Variants in ASTN2 observed in about 807,000 individuals in gnomAD.
ASTN2 encodes the protein astrotactin 2.
ASTN2 carries 54 observed loss-of-function variants against 139.8 expected under a neutral mutation model. The observed-to-expected ratio is 0.39, with a 90% CI of 0.31 to 0.48. The LOEUF (loss-of-function observed/expected upper bound fraction) is 0.48, where lower values mean the gene tolerates loss of function less well. Ranked by LOEUF, ASTN2 falls within the 20% of genes least tolerant of loss-of-function variation. The probability of loss-of-function intolerance (pLI) is 0.95; values close to 1 mark genes in which losing one functional copy is unlikely to be tolerated. For synonymous variants in ASTN2, 756 were observed against 719.5 expected (o/e 1.05, Z -0.81); for missense variants, 1,565 against 1,725.1 (o/e 0.91, Z 1.64).
chr9:117,053,406 C>T (rs1033549327), intron 5 of ASTN2, among the ~76,000 whole-genome samples: 2 of 152,016 alleles, frequency 1.3e-5, no homozygotes, highest in Non-Finnish European at 2.9e-5. Context: ...ACGCTATGAT[C>T]GTGCCACTGT....
At chr9:116,518,956 C>T (rs762781940) in intron 19 of ASTN2, among the ~76,000 whole-genome samples, 13 of 151,968 alleles carry the variant, frequency 8.6e-5, no homozygotes, top group Non-Finnish European at 1.8e-4. Flanking sequence ...GAAAATATCA[C>T]ACTTATAAAT....
chr9:116,973,393 A>C (rs1287822514), intron 10 of ASTN2, among the ~76,000 whole-genome samples: 1 of 152,192 alleles, frequency 6.6e-6, no homozygotes, highest in Non-Finnish European at 1.5e-5. Context: ...AACGTAGAGA[A>C]TTAAACTTGG....
chr9:116,455,053 G>T (rs1238635564), intron 20 of ASTN2, among the ~76,000 whole-genome samples: 2 of 151,276 alleles, frequency 1.3e-5, no homozygotes, highest in African/African-American at 4.8e-5. Context: ...AAAAAAAAAA[G>T]GTTTATGGTA....
intron 4 of ASTN2, among the ~76,000 whole-genome samples, chr9:117,098,807 A>G (rs1438490722): frequency 1.3e-5 from 2 of 151,900 alleles, no homozygotes; most frequent in African/African-American, 4.8e-5. Flanking sequence ...AAGAAAGAAC[A>G]AAGAAAAGAA....
intron 13 of ASTN2, among the ~76,000 whole-genome samples, chr9:116,761,738 T>C (rs1335520707): frequency 6.6e-6 from 1 of 152,034 alleles, no homozygotes; most frequent in African/African-American, 2.4e-5. Context: ...TCCACCAAGA[T>C]AAAGAGGTTA....
chr9:117,246,800 T>A (rs1418933995), intron 2 of ASTN2, among the ~76,000 whole-genome samples: 1 of 152,138 alleles, frequency 6.6e-6, no homozygotes, highest in African/African-American at 2.4e-5. Context: ...AAAGTCCTTC[T>A]AGTCTGGAGG....
intron 7 of ASTN2, among the ~76,000 whole-genome samples, chr9:117,002,362 A>C (rs541459864): frequency 1.3e-5 from 2 of 152,332 alleles, no homozygotes; most frequent in African/African-American, 4.8e-5. Flanking sequence ...AGGGTGGAAG[A>C]CATTTCAGGT....
At chr9:117,078,493 C>CCTTCTAATA (rs1479117138) in intron 5 of ASTN2, among the ~76,000 whole-genome samples, 1 of 152,126 alleles carries the variant, frequency 6.6e-6, no homozygotes, top group Non-Finnish European at 1.5e-5. Context: ...AACAAAAATA[C>CCTTCTAATA]CATGTTATTA....
At chr9:116,948,809 T>TTTTTTTTTTTTTTTTTTTTTTTA in intron 10 of ASTN2, among the ~76,000 whole-genome samples, 1 of 107,610 alleles carries the variant, frequency 9.3e-6, no homozygotes, top group South Asian at 3.6e-4. Flanking sequence ...TTTTTTTTTT[T>TTTTTTTTTTTTTTTTTTTTTTTA]TGAGAAGGAG....
At chr9:117,299,310 A>G (rs948347649) in intron 1 of ASTN2, among the ~76,000 whole-genome samples, 1 of 152,060 alleles carries the variant, frequency 6.6e-6, no homozygotes. Flanking sequence ...TAGTCAACCA[A>G]CCTCTTCTGA....
In ASTN2 at chr9:116,863,720, G is replaced by A. The variant is rs755140018; in HGVS notation, c.1903C>T (p.Leu635=). 2.5e-6 allele frequency: 4 copies of A among 1,612,562 alleles called. No individual in the cohort carries two copies. The highest frequency in any genetic ancestry group is 3.4e-6 in the Non-Finnish European group (4 of 1,179,142). ...DPADVREEAM[L]STYFETINDL... ...TTGATGGTTTCAAAGTATGTGGACA[G>A]CATCGCTTCTTCCCTTGGAGAGAAA... Residue 635 remains leucine, a synonymous_variant, in exon 11 of 23, where the codon CTG becomes TTG. Coordinates refer to ENST00000313400, the MANE Select transcript of ASTN2 (RefSeq NM_001365068.1).
At chr9:116,964,256 T>TGTGCGCGC (rs1491183340) in intron 10 of ASTN2, among the ~76,000 whole-genome samples, 2,234 of 98,754 alleles carry the variant, frequency 0.023, 66 homozygotes, top group African/African-American at 0.065. Flanking sequence ...TGTGTGTGTG[T>TGTGCGCGC]GCGCGCGCGC....
At chr9:117,308,127 T>C (rs1300979102) in intron 1 of ASTN2, among the ~76,000 whole-genome samples, 1 of 152,184 alleles carries the variant, frequency 6.6e-6, no homozygotes, top group Non-Finnish European at 1.5e-5. Flanking sequence ...GGCGGCCCAG[T>C]GACCTTCCTC....
chr9:116,426,157 A>T, intron 22 of ASTN2, 69 bp from the exon 23 acceptor site: 1 of 1,570,672 alleles, frequency 6.4e-7, no homozygotes, highest in East Asian at 2.3e-5. Flanking sequence ...TGAGGTAGTA[A>T]ATGTCAACAA....
chr9:116,471,612 G>A (rs1848816886), intron 20 of ASTN2, among the ~76,000 whole-genome samples: 1 of 152,050 alleles, frequency 6.6e-6, no homozygotes, highest in Non-Finnish European at 1.5e-5. Flanking sequence ...GGGGGTGGAG[G>A]GAGGGGGGAA....
At chr9:116,661,158 A>AG (rs1858535029) in intron 16 of ASTN2, among the ~76,000 whole-genome samples, 1 of 152,072 alleles carries the variant, frequency 6.6e-6, no homozygotes, top group African/African-American at 2.4e-5. Flanking sequence ...TCGGCATTGA[A>AG]GGGTAACATT....
chr9:117,174,315 G>GA (rs201081049), intron 3 of ASTN2, among the ~76,000 whole-genome samples: 2,926 of 151,860 alleles, frequency 0.019, 91 homozygotes, highest in African/African-American at 0.067. Flanking sequence ...AGACAACTTA[G>GA]AAAAAATAAG....
At chr9:117,171,673 C>G (rs559423489) in intron 3 of ASTN2, among the ~76,000 whole-genome samples, 4 of 152,114 alleles carry the variant, frequency 2.6e-5, no homozygotes, top group East Asian at 2.0e-4. Flanking sequence ...GGCTCTTCCC[C>G]CTTTGCTCCT....
At chr9:116,721,343 G>A (rs1381390370) in intron 16 of ASTN2, among the ~76,000 whole-genome samples, 1 of 152,270 alleles carries the variant, frequency 6.6e-6, no homozygotes, top group Non-Finnish European at 1.5e-5. Context: ...CAGGAAGGGT[G>A]ACTTTATACA....
Sources: gnomAD v4.1 joint callset for allele counts (sites outside exome capture counted in the v4.1 genomes callset) on GRCh38, gnomAD v4.1.1 for gene constraint, MANE v1.5 for transcripts, NCBI Gene and HGNC (gene_info 2026-07-23, HGNC 2026-07-21) for gene names.